Variants in CRIP2 observed in about 807,000 individuals in gnomAD.
The protein encoded by CRIP2 is cysteine rich protein 2.
In CRIP2, 31 loss-of-function variants were observed where a neutral mutation model predicts 31.3. The ratio of observed to expected loss-of-function variants is 0.99; its 90% CI spans 0.74 to 1.34. The LOEUF is 1.34. Among genes scored for constraint, CRIP2 ranks in the 40% most tolerant of loss-of-function variants. CRIP2 has a pLI of 0.00. For synonymous variants in CRIP2, 177 were observed against 127.2 expected (o/e 1.39, Z -2.63); for missense variants, 389 against 301.6 (o/e 1.29, Z -2.15).
upstream of CRIP2, chr14:105,473,169 C>A (rs1365042848): frequency 3.3e-6 from 5 of 1,497,300 alleles, no homozygotes; most frequent in Admixed American, 2.0e-5. Context: ...CCAGCCTGGG[C>A]AAGGCCCTGC....
upstream of CRIP2, chr14:105,473,469 G>T: frequency 6.5e-7 from 1 of 1,535,686 alleles, no homozygotes; most frequent in Non-Finnish European, 8.7e-7. Context: ...GAGGGCCTCT[G>T]GTTGGCTCAC....
At chr14:105,473,190 C>A, upstream of CRIP2, 2 of 1,529,156 alleles carry the variant, frequency 1.3e-6, no homozygotes, top group Non-Finnish European at 8.7e-7. Context: ...TGTGAGGGAC[C>A]CCTAGGGACC....
At chr14:105,475,417 G>A (rs1362297255) in intron 1 of CRIP2, 2 of 151,644 alleles carry the variant, frequency 1.3e-5, no homozygotes, top group African/African-American at 5.0e-5. Flanking sequence ...GGCCAGGTTT[G>A]GACTCTGTCG....
chr14:105,478,853 C>G lies in CRIP2; in HGVS notation c.319C>G (p.Pro107Ala), dbSNP rs782322620. The G allele has an allele frequency of 7.0e-6, 10 of 1,426,040 alleles. No homozygotes were observed. The highest frequency in any genetic ancestry group is 1.5e-5 in the South Asian group (1 of 66,536). The allele number at this position is 1,426,040 out of a possible 1,614,324, so 88.3% of individuals were successfully genotyped here. ...AGAGGAGCGGAAGGCGAGCGGCCCC[C>G]CGAAGGGGCCCAGCAGAGGTGGGCT... ...RAEERKASGP[P>A]KGPSRASSVT... Residue 107 changes from proline to alanine, a missense_variant, in exon 4 of 8, where the codon CCG (proline) becomes GCG (alanine). Coordinates refer to ENST00000329146, the MANE Select transcript of CRIP2 (RefSeq NM_001312.4). This position sits in a 1 kb window ranked among gnomAD's most constrained non-coding sequence, Gnocchi z 4.9.
chr14:105,474,794 G>A, upstream of CRIP2: 6 of 1,254,960 alleles, frequency 4.8e-6, no homozygotes, highest in Non-Finnish European at 6.0e-6. The surrounding 1 kb of genome is among the most constrained non-coding windows in gnomAD (Gnocchi z 5.1). Flanking sequence ...GGCAGGCGGG[G>A]CTGGGCGCGG....
upstream of CRIP2, chr14:105,474,730 C>G (rs1301761933): frequency 9.8e-7 from 1 of 1,019,932 alleles, no homozygotes; most frequent in African/African-American, 1.7e-5. This position sits in a 1 kb window ranked among gnomAD's most constrained non-coding sequence, Gnocchi z 5.1. Context: ...GCCCGGGGGA[C>G]GGGTTATCGA....
At chr14:105,477,880 GTT>G in intron 1 of CRIP2, among the ~76,000 whole-genome samples, 1 of 53,362 alleles carries the variant, frequency 1.9e-5, no homozygotes. Context: ...GCGGGCAGGT[GTT>G]GGAGCGCGGG....
intron 1 of CRIP2, chr14:105,477,249 C>A: frequency 1.0e-6 from 1 of 984,834 alleles, no homozygotes; most frequent in Non-Finnish European, 1.2e-6. Flanking sequence ...GGGAAGCAGT[C>A]CAGTAGCCCC....
At position 105,478,515 on chromosome 14, in the gene CRIP2, C is replaced by G. The variant is rs782081712; in HGVS notation, c.196+8C>G. Reference sequence around the variant, plus strand: ...CCCTGTTCGGACCCAAAGGTGAGCTCCGGCTGCCCTCGGCCTGCCCTGGGA... The same window carrying G: ...CCCTGTTCGGACCCAAAGGTGAGCTGCGGCTGCCCTCGGCCTGCCCTGGGA... On this transcript the variant is annotated splice_region_variant and intron_variant, in intron 3 of 7. Transcript: ENST00000329146. The surrounding 1 kb of genome is among the most constrained non-coding windows in gnomAD (Gnocchi z 4.9). 2 of 1,607,500 alleles carry G rather than the reference C, an allele frequency of 1.2e-6. No homozygotes were observed. The highest frequency in any genetic ancestry group is 2.7e-5 in the African/African-American group (2 of 74,822).
In CRIP2 at chr14:105,476,299, C is replaced by G. The variant is rs958845559; in HGVS notation, c.43+1394C>G. 5.1e-6 allele frequency: 5 copies of G among 985,398 alleles called. No individual in the cohort carries two copies. In the Admixed American group the frequency reaches 3.1e-4, roughly 61 times the overall value. 61.0% of individuals were successfully genotyped at this position (985,398 alleles called of 1,614,324 possible). ...CTGCCTGGCCCGCCCAGCCTCTCAG[C>G]GGAAAACAAAGGCGCTTCAGACCCG... On this transcript the variant is annotated intron_variant, in intron 1 of 7. Transcript: ENST00000329146.
rs115207549 is a variant in CRIP2, at chr14:105,477,312, C to T, written c.44-954C>T. 4.4e-3 allele frequency: 4,318 copies of T among 985,508 alleles called. 152 individuals carry two copies. The African/African-American group carries it at 0.069, about 16-fold the overall frequency. 61.0% of individuals were successfully genotyped at this position (985,508 alleles called of 1,614,324 possible). A position where few individuals can be genotyped will look rare whatever the true frequency, so the allele number is the denominator to read the frequency against. ...GGGTCCCGGACCCTCAGCAGCTGCC[C>T]TCAGATCTTCCATGCCAGTGGCAGC... On this transcript the variant is annotated intron_variant, in intron 1 of 7. Coordinates refer to ENST00000329146, the MANE Select transcript of CRIP2 (RefSeq NM_001312.4).
At position 105,479,715 on chromosome 14, in the gene CRIP2, C is replaced by A; in HGVS notation, c.*62C>A. The stretch of plus-strand genomic sequence containing the variant: ...CCCAGACCCTGCAGGGGCCCCCCTG[C>A]TTGGCTCTGCTGGGAGAGTGCTCAG... On this transcript the variant is annotated 3_prime_UTR_variant, in exon 8 of 8. Transcript: ENST00000329146. The A allele has an allele frequency of 6.5e-7, 1 of 1,541,624 alleles. No homozygotes were observed. Among genetic ancestry groups the A allele is most frequent in the Non-Finnish European group, 8.8e-7 (1 of 1,137,746 alleles).
At chr14:105,477,284 A>G in intron 1 of CRIP2, 3 of 985,286 alleles carry the variant, frequency 3.0e-6, no homozygotes, top group Non-Finnish European at 3.6e-6. Context: ...AGGCAGTGGC[A>G]GAGGGTCCCG....
chr14:105,475,826 C>T (rs1160798747), intron 1 of CRIP2: 1 of 985,372 alleles, frequency 1.0e-6, no homozygotes, highest in Non-Finnish European at 1.2e-6. Flanking sequence ...TGCCCACCTA[C>T]CCACCAGCTG....
Position 105,478,794 on chromosome 14 carries a change from T to C in CRIP2, c.260T>C (p.Val87Ala). ...AAGCCCCTGGCGGAGGGGCCGCAGGTCACCGGCCCCATCGAGGTCCCCGCG... is the reference window on the plus strand; with the variant it reads ...AAGCCCCTGGCGGAGGGGCCGCAGGCCACCGGCCCCATCGAGGTCCCCGCG... ...YEKPLAEGPQ[V>A]TGPIEVPAAR... is the part of the protein sequence containing the mutation. Residue 87 changes from valine to alanine, a missense_variant, in exon 4 of 8, where the codon GTC (valine) becomes GCC (alanine). Physicochemically the swap from Val to Ala is moderately conservative, Grantham distance 64 (BLOSUM62 0). Coordinates refer to ENST00000329146, the MANE Select transcript of CRIP2 (RefSeq NM_001312.4). This position sits in a 1 kb window ranked among gnomAD's most constrained non-coding sequence, Gnocchi z 4.9. 1 of 1,430,782 alleles carries C rather than the reference T, an allele frequency of 7.0e-7. No homozygotes were observed. 88.6% of individuals were successfully genotyped at this position (1,430,782 alleles called of 1,614,324 possible). A position where few individuals can be genotyped will look rare whatever the true frequency, so the allele number is the denominator to read the frequency against.
Position 105,479,959 on chromosome 14 carries a change from C to T in CRIP2, c.*306C>T, listed in dbSNP as rs587694438. 1.6e-4 allele frequency: 67 copies of T among 423,260 alleles called. No individual in the cohort carries two copies. Among genetic ancestry groups the T allele is most frequent in the Non-Finnish European group, 1.7e-4 (40 of 229,406 alleles). 26.2% of individuals were successfully genotyped at this position (423,260 alleles called of 1,614,324 possible). On this transcript the variant is annotated 3_prime_UTR_variant, in exon 8 of 8. Transcript: ENST00000329146. ...GTGTCCCCGTGGCGCTGTCCGCTCT[C>T]CCTCTCCTGCTGCCCACCCACCTGC...
At chr14:105,473,131 G>A (rs1321610406), upstream of CRIP2, 3 of 1,258,874 alleles carry the variant, frequency 2.4e-6, no homozygotes, top group African/African-American at 3.0e-5. Context: ...CAGGGAGCTG[G>A]AGAGGGTTTG....
chr14:105,479,168 C>T lies in CRIP2; in HGVS notation c.450C>T (p.Cys150=), dbSNP rs1555436730. The T allele has an allele frequency of 6.2e-7, 1 of 1,611,784 alleles. No individual in the cohort carries two copies. Among genetic ancestry groups the T allele is most frequent in the Non-Finnish European group, 8.5e-7 (1 of 1,179,520 alleles). The change falls in exon 6 of 8, where the codon TGC becomes TGT. Residue 150 remains cysteine, a synonymous_variant. Coordinates refer to ENST00000329146, the MANE Select transcript of CRIP2 (RefSeq NM_001312.4). ...TSLGKDWHRP[C]LRCERCGKTL... is the part of the protein sequence containing the mutation. ...TGGGCAAGGATTGGCACCGGCCCTG[C>T]CTGCGCTGCGAGCGCTGCGGGAAGA...
upstream of CRIP2, chr14:105,474,652 C>G (rs1273951986): frequency 9.4e-6 from 4 of 424,686 alleles, no homozygotes; most frequent in Non-Finnish European, 1.2e-5. The surrounding 1 kb of genome is among the most constrained non-coding windows in gnomAD (Gnocchi z 5.1). Context: ...AGGCCTGGCC[C>G]GGCTGCCCCG....
Sources: gnomAD v4.1 joint callset for allele counts (sites outside exome capture counted in the v4.1 genomes callset) on GRCh38, gnomAD v4.1.1 for gene constraint, Gnocchi (gnomAD v3.1) non-coding constraint, MANE v1.5 for transcripts, NCBI Gene and HGNC (gene_info 2026-07-23, HGNC 2026-07-21) for gene names.